Variants in BICRA observed in about 807,000 individuals in gnomAD.
The protein encoded by BICRA is BRD4-interacting chromatin-remodeling complex-associated protein.
Under a neutral mutation model 96.9 loss-of-function variants are expected in BICRA, and 31 were observed. The observed-to-expected ratio is 0.32, with a 90% CI of 0.24 to 0.43. The LOEUF is 0.43. BICRA is among the 20% of genes least tolerant of loss of function. The probability of loss-of-function intolerance (pLI) is 1.00; values close to 1 mark genes in which losing one functional copy is unlikely to be tolerated. For missense variants in BICRA, 2,283 were observed against 2,190.3 expected, an observed-to-expected ratio of 1.04 and a Z score of -0.84; for synonymous variants, 1,350 against 1,071.8, an observed-to-expected ratio of 1.26 and a Z score of -5.07.
intron 1 of BICRA, among the ~76,000 whole-genome samples, chr19:47,614,007 A>G (rs1287950377): frequency 2.0e-5 from 3 of 151,774 alleles, no homozygotes; most frequent in African/African-American, 7.3e-5. Flanking sequence ...CTGAGGGCCT[A>G]CTGTGTGACA....
rs181045704 is a variant in BICRA, at chr19:47,647,394, C to T, written c.-107-23049C>T. On this transcript the variant is annotated intron_variant, in intron 1 of 14. Coordinates refer to ENST00000594866, the MANE Select transcript of BICRA (RefSeq NM_001394372.1). ...CCACGGCAGCGGCACCCTTGTATAT[C>T]GCCCAGCAATGCATGAGGGCTCTGA... Among the ~76,000 whole-genome samples, 71 of 152,226 alleles carry T rather than the reference C, an allele frequency of 4.7e-4. 1 individual carries two copies. The East Asian group carries it at 7.5e-3, about 16-fold the overall frequency.
At chr19:47,656,304 G>A (rs894487305) in intron 1 of BICRA, among the ~76,000 whole-genome samples, 3 of 152,088 alleles carry the variant, frequency 2.0e-5, no homozygotes, top group East Asian at 3.9e-4. Flanking sequence ...GAAAATACAC[G>A]TATTAGAGAA....
At chr19:47,668,487 CT>C (rs35737042) in intron 1 of BICRA, among the ~76,000 whole-genome samples, 35,681 of 125,542 alleles carry the variant, frequency 0.28, 4,803 homozygotes, top group African/African-American at 0.49. Context: ...CTTTGTGAGT[CT>C]TTTTTTTTTT....
At chr19:47,663,518 T>G (rs916459201) in intron 1 of BICRA, 7 of 152,214 alleles carry the variant, frequency 4.6e-5, no homozygotes, top group African/African-American at 1.7e-4. Flanking sequence ...TCAACTGTAT[T>G]CAAAACTGGA....
chr19:47,694,883 A>C lies in BICRA; in HGVS notation c.2896-17A>C, dbSNP rs1973309291. 1 of 1,486,742 alleles carries C rather than the reference A, an allele frequency of 6.7e-7. No individual in the cohort carries two copies. Among genetic ancestry groups the C allele is most frequent in the Non-Finnish European group, 8.9e-7 (1 of 1,122,866 alleles). 92.1% of individuals were successfully genotyped at this position (1,486,742 alleles called of 1,614,324 possible). On this transcript the variant is annotated splice_polypyrimidine_tract_variant and intron_variant, in intron 8 of 14. Transcript: ENST00000594866. ...AGCCTATGTTCCCCACCCCTCATCC[A>C]CCTGTCCCCTCCTCAGGTGCCGTCC...
chr19:47,695,568 G>T, intron 10 of BICRA, 94 bp downstream of exon 10: 2 of 673,078 alleles, frequency 3.0e-6, no homozygotes, highest in East Asian at 2.7e-5. Context: ...ACTGGAAGAC[G>T]CGGACAGGAT....
rs548552284 is a variant in BICRA, at chr19:47,675,112, G to T, written c.85-739G>T. ...GACTTGCTGGTGGACTCGATGTTGA[G>T]GGGGAGAGAGTGTCCACCATGGCTC... On this transcript the variant is annotated intron_variant, in intron 4 of 14. Transcript: ENST00000594866. This position sits in a 1 kb window ranked among gnomAD's most constrained non-coding sequence, Gnocchi z 4.7. Among the ~76,000 whole-genome samples, 4 of 152,284 alleles carry T rather than the reference G, an allele frequency of 2.6e-5. No homozygotes were observed. The highest frequency in any genetic ancestry group is 4.8e-5 in the African/African-American group (2 of 41,560).
intron 1 of BICRA, among the ~76,000 whole-genome samples, chr19:47,612,032 G>T (rs1971915506): frequency 6.6e-6 from 1 of 151,970 alleles, no homozygotes; most frequent in African/African-American, 2.4e-5. Flanking sequence ...CACCACACCT[G>T]GCTAAATTTT....
chr19:47,631,640 C>T (rs1972223492), intron 1 of BICRA, among the ~76,000 whole-genome samples: 1 of 152,232 alleles, frequency 6.6e-6, no homozygotes, highest in East Asian at 1.9e-4. Context: ...TCCGGGATTA[C>T]AGATGTGAGC....
At chr19:47,700,379 C>G (rs1973421673) in intron 14 of BICRA, 1 of 151,658 alleles carries the variant, frequency 6.6e-6, no homozygotes, top group African/African-American at 2.4e-5. Flanking sequence ...TGAGCTACCT[C>G]AATGCTGTCT....
chr19:47,683,739 C>T (rs1164266262), intron 7 of BICRA, among the ~76,000 whole-genome samples: 1 of 152,132 alleles, frequency 6.6e-6, no homozygotes, highest in African/African-American at 2.4e-5. Flanking sequence ...CGCCCGCCAC[C>T]ACGCCGGGCT....
Position 47,702,505 on chromosome 19 carries a change from G to A in BICRA, c.*90G>A, listed in dbSNP as rs544764973. ...CCTCAGCCTCCTGGGGACTCGAGCC[G>A]GGGATCCCCTGACGGTTTTTCTTGC... On this transcript the variant is annotated 3_prime_UTR_variant, in exon 15 of 15. Coordinates refer to ENST00000594866, the MANE Select transcript of BICRA (RefSeq NM_001394372.1). The A allele has an allele frequency of 5.1e-6, 7 of 1,359,616 alleles. 1 individual carries two copies. The highest frequency in any genetic ancestry group is 3.4e-5 in the South Asian group (2 of 59,476). 84.2% of individuals were successfully genotyped at this position (1,359,616 alleles called of 1,614,324 possible).
At chr19:47,681,384 C>G (rs1599851292) in intron 6 of BICRA, 108 bp downstream of exon 6, 1 of 968,568 alleles carries the variant, frequency 1.0e-6, no homozygotes, top group South Asian at 1.5e-5. Flanking sequence ...ACTGTGGCAG[C>G]TGGGGGGGGA....
chr19:47,680,955 G>C lies in BICRA; in HGVS notation c.1785G>C (p.Met595Ile). ...CCCTGCCCCCCAGCGCCGTGGCCAT[G>C]CTCAACACCCCCGACGGCCTGGTGC... ...GVTLPPSAVAMLNTPDGLVQP... is the reference protein window; with the variant it reads ...GVTLPPSAVAILNTPDGLVQP... Residue 595 changes from methionine (M) to isoleucine (I), a missense_variant, in exon 6 of 15, where the codon ATG (methionine) becomes ATC (isoleucine). Physicochemically the swap from Met to Ile is conservative, Grantham distance 10. Coordinates refer to ENST00000594866, the MANE Select transcript of BICRA (RefSeq NM_001394372.1). The C allele has an allele frequency of 6.7e-7, 1 of 1,481,746 alleles. No individual in the cohort carries two copies. The highest frequency in any genetic ancestry group is 8.9e-7 in the Non-Finnish European group (1 of 1,125,948). 91.8% of individuals were successfully genotyped at this position (1,481,746 alleles called of 1,614,324 possible).
At chr19:47,656,963 G>C (rs1364154232) in intron 1 of BICRA, among the ~76,000 whole-genome samples, 1 of 152,072 alleles carries the variant, frequency 6.6e-6, no homozygotes, top group African/African-American at 2.4e-5. Flanking sequence ...CCGGGTTCAA[G>C]AAATTCTCCT....
chr19:47,621,755 C>CACTGCACCCGGCCTGAATTGAGAG (rs1972068311), intron 1 of BICRA, among the ~76,000 whole-genome samples: 1 of 151,792 alleles, frequency 6.6e-6, no homozygotes, highest in African/African-American at 2.4e-5. Flanking sequence ...AGGCGTGAGC[C>CACTGCACCCGGCCTGAATTGAGAG]ACTGCACCCG....
At chr19:47,650,139 GT>G (rs1295087479) in intron 1 of BICRA, among the ~76,000 whole-genome samples, 2 of 151,736 alleles carry the variant, frequency 1.3e-5, no homozygotes, top group East Asian at 1.9e-4. Context: ...TTGTTTGTTT[GT>G]TTGTTTTTTG....
chr19:47,624,365 A>G (rs1972109204), intron 1 of BICRA, among the ~76,000 whole-genome samples: 3 of 152,158 alleles, frequency 2.0e-5, no homozygotes, highest in Admixed American at 2.0e-4. Context: ...GGTTCTAGAC[A>G]GTGCAGTAAA....
chr19:47,678,350 A>C (rs971288626), intron 5 of BICRA, among the ~76,000 whole-genome samples: 4 of 152,166 alleles, frequency 2.6e-5, no homozygotes, highest in African/African-American at 9.6e-5. Context: ...TCCTAGGCTC[A>C]AGTGATCCAC....
Sources: gnomAD v4.1 joint callset for allele counts (sites outside exome capture counted in the v4.1 genomes callset) on GRCh38, gnomAD v4.1.1 for gene constraint, Gnocchi (gnomAD v3.1) non-coding constraint, MANE v1.5 for transcripts, NCBI Gene and HGNC (gene_info 2026-07-23, HGNC 2026-07-21) for gene names.